The following CACNA2D1 variants were observed in gnomAD, a reference collection of about 807,000 sequenced individuals.
CACNA2D1 encodes calcium voltage-gated channel auxiliary subunit alpha2delta 1.
Under a neutral mutation model 171.5 loss-of-function variants are expected in CACNA2D1, and 53 were observed. The observed-to-expected ratio is 0.31, with a 90% CI of 0.25 to 0.39. CACNA2D1 has a LOEUF of 0.39. Among genes scored for constraint, CACNA2D1 ranks in the 10% least tolerant of loss-of-function variants. The pLI is 1.00. For missense variants in CACNA2D1, 903 were observed against 1,299.8 expected (o/e 0.69, Z 4.69); for synonymous variants, 442 against 443.1 (o/e 1.00, Z 0.03).
At chr7:82,434,465 T>C (rs925925170) in intron 1 of CACNA2D1, among the ~76,000 whole-genome samples, 2 of 152,198 alleles carry the variant, frequency 1.3e-5, no homozygotes, top group Middle Eastern at 3.2e-3. Context: ...TAATTAGTTA[T>C]TAATTAAGTA....
intron 7 of CACNA2D1, among the ~76,000 whole-genome samples, chr7:82,069,421 C>T (rs1003043176): frequency 2.6e-5 from 4 of 152,120 alleles, no homozygotes; most frequent in Admixed American, 2.6e-4. Flanking sequence ...GTAGACGTCT[C>T]TTTTTTGAAT....
intron 12 of CACNA2D1, among the ~76,000 whole-genome samples, chr7:82,016,954 T>C (rs2130978705): frequency 6.6e-6 from 1 of 152,232 alleles, no homozygotes; most frequent in East Asian, 1.9e-4. Context: ...AAGACATTAT[T>C]TTCCTGAAAT....
intron 1 of CACNA2D1, among the ~76,000 whole-genome samples, chr7:82,395,610 T>A (rs1825679306): frequency 6.6e-6 from 1 of 152,216 alleles, no homozygotes; most frequent in African/African-American, 2.4e-5. Context: ...CTGAATTGAA[T>A]ATTATGCTGT....
chr7:82,381,804 G>A (rs976727598), intron 1 of CACNA2D1, among the ~76,000 whole-genome samples: 1 of 151,956 alleles, frequency 6.6e-6, no homozygotes, highest in Admixed American at 6.6e-5. Flanking sequence ...AAAATTCTCA[G>A]GTCAATTTTT....
intron 3 of CACNA2D1, among the ~76,000 whole-genome samples, chr7:82,291,528 CTA>C (rs1259906274): frequency 8.0e-6 from 1 of 124,858 alleles, no homozygotes; most frequent in Non-Finnish European, 1.6e-5. Context: ...ATAGATAGAT[CTA>C]TATATGTGAT....
intron 21 of CACNA2D1, among the ~76,000 whole-genome samples, chr7:81,984,916 G>GTA (rs1796799347): frequency 6.6e-6 from 1 of 152,096 alleles, no homozygotes; most frequent in Admixed American, 6.6e-5. Context: ...TCTCTACATT[G>GTA]TAGGGAATCA....
chr7:82,431,798 G>GA (rs1829703984), intron 1 of CACNA2D1, among the ~76,000 whole-genome samples: 1 of 20,228 alleles, frequency 4.9e-5, no homozygotes, highest in South Asian at 2.0e-3. Context: ...CCAGCACTTT[G>GA]GAGGTTGAGG....
intron 24 of CACNA2D1, among the ~76,000 whole-genome samples, chr7:81,977,300 T>C (rs1434930460): frequency 6.6e-6 from 1 of 152,128 alleles, no homozygotes; most frequent in Non-Finnish European, 1.5e-5. Context: ...CTGCATCAAT[T>C]GAGGTAATCA....
At chr7:82,272,923 T>C (rs1808828606) in intron 3 of CACNA2D1, among the ~76,000 whole-genome samples, 1 of 152,104 alleles carries the variant, frequency 6.6e-6, no homozygotes, top group Non-Finnish European at 1.5e-5. Context: ...TCCTGACCCA[T>C]GGAAACTATG....
chr7:82,427,844 C>T (rs1227415173), intron 1 of CACNA2D1, among the ~76,000 whole-genome samples: 2 of 152,154 alleles, frequency 1.3e-5, no homozygotes, highest in East Asian at 3.9e-4. Context: ...TAAAAAGTCA[C>T]TCAAATGAAT....
intron 3 of CACNA2D1, among the ~76,000 whole-genome samples, chr7:82,330,214 T>C (rs1817150282): frequency 6.6e-6 from 1 of 152,018 alleles, no homozygotes. Context: ...AAAGTTGCAA[T>C]AAGTAGTTTA....
chr7:81,979,797 T>C (rs566858391), intron 24 of CACNA2D1, among the ~76,000 whole-genome samples: 1 of 152,262 alleles, frequency 6.6e-6, no homozygotes, highest in South Asian at 2.1e-4. Flanking sequence ...ATTGCAAGTA[T>C]TATTAGTGAT....
intron 1 of CACNA2D1, among the ~76,000 whole-genome samples, chr7:82,361,303 TGCA>T (rs1288345886): frequency 2.6e-5 from 4 of 152,182 alleles, no homozygotes; most frequent in Non-Finnish European, 5.9e-5. Flanking sequence ...TCACCATTAA[TGCA>T]GTAAAAATAA....
intron 1 of CACNA2D1, among the ~76,000 whole-genome samples, chr7:82,409,165 CAT>C (rs1458330301): frequency 6.6e-6 from 1 of 152,122 alleles, no homozygotes; most frequent in Non-Finnish European, 1.5e-5. Context: ...GGCCAAAATC[CAT>C]AGTCTTTCCA....
At chr7:82,058,480 A>AT (rs1806214569) in intron 10 of CACNA2D1, among the ~76,000 whole-genome samples, 1 of 151,972 alleles carries the variant, frequency 6.6e-6, no homozygotes, top group Non-Finnish European at 1.5e-5. Flanking sequence ...TTTATATACA[A>AT]ATAAAGCCAA....
chr7:82,335,547 G>C (rs76573237), intron 2 of CACNA2D1, among the ~76,000 whole-genome samples: 2 of 152,222 alleles, frequency 1.3e-5, no homozygotes, highest in Admixed American at 1.3e-4. Context: ...TCTCGAAACT[G>C]GGTATTATCT....
chr7:82,354,092 C>T (rs1820156184), intron 1 of CACNA2D1, among the ~76,000 whole-genome samples: 1 of 152,084 alleles, frequency 6.6e-6, no homozygotes, highest in African/African-American at 2.4e-5. Flanking sequence ...GAACATCACA[C>T]AGAGAGTCCA....
rs1377717507 is a variant in CACNA2D1 at position 82,050,741 on chromosome 7, C to A, written c.879+9687G>T. The A allele has an allele frequency of 1.5e-5, 10 of 666,644 alleles. No individual in the cohort carries two copies. The Admixed American group carries it at 2.1e-4, about 14-fold the overall frequency. The allele number at this position is 666,644 out of a possible 1,614,324, so 41.3% of individuals were successfully genotyped here. A position where few individuals can be genotyped will look rare whatever the true frequency, so the allele number is the denominator to read the frequency against. ...GGTGGAAAAATGTTGGAAGATGACA[C>A]TAAATAACAATAATCATCATCATAA... On this transcript the variant is annotated intron_variant, in intron 10 of 38. Transcript: ENST00000356860.
At chr7:82,059,824 T>G (rs904840686) in intron 10 of CACNA2D1, among the ~76,000 whole-genome samples, 6 of 149,550 alleles carry the variant, frequency 4.0e-5, no homozygotes, top group African/African-American at 1.2e-4. Context: ...CCATAAAAAA[T>G]GATGAGTTCA....
Sources: allele counts gnomAD v4.1 joint callset (sites outside exome capture counted in the v4.1 genomes callset), GRCh38; gene constraint gnomAD v4.1.1; transcripts MANE v1.5; gene names NCBI Gene and HGNC (gene_info 2026-07-23, HGNC 2026-07-21).